CARNS1: variants seen among roughly 807,000 people sequenced by gnomAD.
CARNS1 encodes carnosine synthase 1, also known as ATP-grasp domain containing 1.
A neutral mutation model predicts 74.0 loss-of-function variants in CARNS1; 61 were observed. The observed-to-expected ratio is 0.82, with a 90% confidence interval of 0.67 to 1.02. CARNS1 has a LOEUF of 1.02. Ranked by LOEUF, CARNS1 falls within the 50% of genes least tolerant of loss-of-function variation. The pLI, the probability that CARNS1 is intolerant of heterozygous loss-of-function variation, is 0.00. For synonymous variants in CARNS1, 568 were observed against 605.5 expected (o/e 0.94, Z 0.91); for missense variants, 1,278 against 1,308.4 (o/e 0.98, Z 0.36).
At position 67,420,591 on chromosome 11, in the gene CARNS1, G is replaced by T; in HGVS notation, c.1114-18G>T. ...GCAGGGAGTGTGTGGGCCTCCCCCT[G>T]AGTCTCCCCCTGCCCAGGTGGTGTG... On this transcript the variant is annotated intron_variant, in intron 7 of 9. Transcript: ENST00000687366. 1 of 1,231,922 alleles carries T rather than the reference G, an allele frequency of 8.1e-7. No homozygotes were observed. Among genetic ancestry groups the T allele is most frequent in the South Asian group, 4.0e-5 (1 of 25,142 alleles). 76.3% of individuals were successfully genotyped at this position (1,231,922 alleles called of 1,614,324 possible).
In CARNS1 at chr11:67,419,547, C is replaced by A. The variant is rs375626867; in HGVS notation, c.913C>A (p.Arg305=). ...GCGGCAGGCATGGCGTCTGCACCCG[C>A]GGGCAGAGCTGGGTGCAGTGGTGGA... ...RGRQAWRLHP[R]AELGAVVDTV... Residue 305 remains arginine (R), a synonymous_variant, in exon 6 of 10, where the codon CGG becomes AGG. Transcript: ENST00000687366. The A allele has an allele frequency of 1.2e-6, 2 of 1,607,836 alleles. No homozygotes were observed. Among genetic ancestry groups the A allele is most frequent in the East Asian group, 2.2e-5 (1 of 44,778 alleles).
rs1290972340 is a variant in CARNS1 at position 67,425,363 on chromosome 11, C to T, written c.*762C>T. On this transcript the variant is annotated 3_prime_UTR_variant, in exon 10 of 10. Transcript: ENST00000687366. ...TCAGCTTCTAGGCCCCCCTCACCTCCCTGCCCTCATTCACAAGTGGCCCTG... is the reference window on the plus strand; with the variant it reads ...TCAGCTTCTAGGCCCCCCTCACCTCTCTGCCCTCATTCACAAGTGGCCCTG... The T allele has an allele frequency of 6.6e-6, 2 of 304,598 alleles. No homozygotes were observed. The highest frequency in any genetic ancestry group is 4.3e-5 in the African/African-American group (2 of 46,218). 18.9% of individuals were successfully genotyped at this position (304,598 alleles called of 1,614,324 possible).
In CARNS1 at chr11:67,418,978, T is replaced by C. The variant is rs750508536; in HGVS notation, c.587T>C (p.Leu196Pro). ...GAGGCAGCAGAACTCGCCCGTGACC[T>C]GACCTGCCCCACAGGAGCTTCGGCT... Reference protein sequence around the residue: ...GREAAELARDLTCPTGASAEL... With the variant: ...GREAAELARDPTCPTGASAEL... The change falls in exon 5 of 10, where the codon CTG (leucine) becomes CCG (proline). Residue 196 changes from leucine to proline, a missense_variant. Physicochemically the swap from Leu to Pro is moderately conservative, Grantham distance 98. Around this residue, in one of 3 missense-constraint regions of CARNS1, gnomAD observed 1,164 missense variants for 1,156.5 expected, o/e 1.01. Coordinates refer to ENST00000687366, the MANE Select transcript of CARNS1 (RefSeq NM_001166222.2). 1 of 1,566,240 alleles carries C rather than the reference T, an allele frequency of 6.4e-7. No homozygotes were observed. The highest frequency in any genetic ancestry group is 8.6e-7 in the Non-Finnish European group (1 of 1,156,150).
In CARNS1 at chr11:67,421,138, G is replaced by A. The variant is rs1863687242; in HGVS notation, c.1545G>A (p.Glu515=). ...GGCGGTCGGCGCGCTGCCTCATGGA[G>A]GGAAAACAGCTGCTGGTGGTCGGCG... The part of the protein sequence containing the change: ...MLRRSARCLM[E]GKQLLVVGAG... The change falls in exon 9 of 10, where the codon GAG becomes GAA. Residue 515 remains glutamate (E), a synonymous_variant. Transcript: ENST00000687366. 1.3e-6 allele frequency: 2 copies of A among 1,488,464 alleles called. No individual in the cohort carries two copies. Among genetic ancestry groups the A allele is most frequent in the South Asian group, 2.5e-5 (2 of 79,318 alleles). The allele number at this position is 1,488,464 out of a possible 1,614,324, so 92.2% of individuals were successfully genotyped here. A position where few individuals can be genotyped will look rare whatever the true frequency, so the allele number is the denominator to read the frequency against.
chr11:67,418,428 G>A lies in CARNS1; in HGVS notation c.275-3G>A, dbSNP rs1352853238. On this transcript the variant is annotated splice_polypyrimidine_tract_variant and splice_region_variant and intron_variant, in intron 3 of 9. Coordinates refer to ENST00000687366, the MANE Select transcript of CARNS1 (RefSeq NM_001166222.2). Reference sequence around the variant, plus strand: ...TGAGCTGGGCCATGTTCTCTTTCCCGAGGCTGTCCTGGGGCGGAGGTGACC... The same window carrying A: ...TGAGCTGGGCCATGTTCTCTTTCCCAAGGCTGTCCTGGGGCGGAGGTGACC... 2.1e-6 allele frequency: 3 copies of A among 1,445,186 alleles called. No individual in the cohort carries two copies. The highest frequency in any genetic ancestry group is 2.9e-5 in the Admixed American group (1 of 34,894). The allele number at this position is 1,445,186 out of a possible 1,614,324, so 89.5% of individuals were successfully genotyped here. A position where few individuals can be genotyped will look rare whatever the true frequency, so the allele number is the denominator to read the frequency against.
chr11:67,416,117 G>A (rs529696284), intron 1 of CARNS1, 59 bp from the exon 2 acceptor site: 7 of 1,064,820 alleles, frequency 6.6e-6, no homozygotes, highest in Non-Finnish European at 9.8e-6. Flanking sequence ...TGGAAGGCCA[G>A]GCAGGGACTT....
At position 67,417,516 on chromosome 11, in the gene CARNS1, TC is replaced by T. The variant is rs1863575378; in HGVS notation, c.116del (p.Pro39LeufsTer60). 7.0e-7 allele frequency: 1 copy of T among 1,428,938 alleles called. No homozygotes were observed. 88.5% of individuals were successfully genotyped at this position (1,428,938 alleles called of 1,614,324 possible). ...TCTGGCCTGCCGCCCACAGGCTGCTTCCCTGGCTCCTGGCGCCAGGACGTGG... is the reference window on the plus strand; with the variant it reads ...TCTGGCCTGCCGCCCACAGGCTGCTTCCTGGCTCCTGGCGCCAGGACGTGG... The part of the protein sequence containing the change: ...GGSGLPPTGC[F>X]PGSWRQDVGL... On this transcript the variant is annotated frameshift_variant, in exon 3 of 10. Transcript: ENST00000687366. LOFTEE classifies it high-confidence loss of function.
chr11:67,422,496 T>A (rs549992510), intron 9 of CARNS1, among the ~76,000 whole-genome samples: 75 of 152,238 alleles, frequency 4.9e-4, no homozygotes, highest in Admixed American at 2.7e-3. Context: ...TGGCTAATTT[T>A]AAAAATTTTT....
rs1306510868 is a variant in CARNS1 at position 67,423,151 on chromosome 11, C to T, written c.1627-224C>T. On this transcript the variant is annotated intron_variant, in intron 9 of 9. Transcript: ENST00000687366. The surrounding 1 kb of genome is among the most constrained non-coding windows in gnomAD (Gnocchi z 5.1). The stretch of plus-strand genomic sequence containing the variant: ...CTGACTCATATTCTTCAGCTCCCAG[C>T]TTAGGCATTGCCTCCTCTAGGATGC... Among the ~76,000 whole-genome samples the T allele has an allele frequency of 6.6e-6, 1 of 152,218 alleles. No individual in the cohort carries two copies. Among genetic ancestry groups the T allele is most frequent in the Non-Finnish European group, 1.5e-5 (1 of 68,028 alleles).
Position 67,421,015 on chromosome 11 carries a change from G to T in CARNS1, c.1422G>T (p.Leu474=). 1 of 1,382,692 alleles carries T rather than the reference G, an allele frequency of 7.2e-7. No homozygotes were observed. The highest frequency in any genetic ancestry group is 1.6e-5 in the South Asian group (1 of 62,668). 85.7% of individuals were successfully genotyped at this position (1,382,692 alleles called of 1,614,324 possible). ...TGGAGCTGAACGGCGGCCTGTGTCT[G>T]GAGGCGTGCGGCGCGCTGGAGGGGC... ...VALELNGGLC[L]EACGALEGLW... The change falls in exon 9 of 10, where the codon CTG becomes CTT. Residue 474 remains leucine (L), a synonymous_variant. Coordinates refer to ENST00000687366, the MANE Select transcript of CARNS1 (RefSeq NM_001166222.2).
At chr11:67,416,321 A>G in intron 2 of CARNS1, 119 bp downstream of exon 2, 4 of 1,510,392 alleles carry the variant, frequency 2.6e-6, no homozygotes, top group Non-Finnish European at 3.5e-6. Flanking sequence ...CAGACAGCTT[A>G]GACCCACGAC....
intron 9 of CARNS1, 111 bp downstream of exon 9, chr11:67,421,330 G>A: frequency 1.7e-6 from 2 of 1,193,926 alleles, no homozygotes; most frequent in Non-Finnish European, 2.2e-6. Context: ...GGGACCAGCC[G>A]CGCTAGAGGC....
rs1476323197 is a variant in CARNS1, at chr11:67,421,551, A to C, written c.1626+332A>C. Among the ~76,000 whole-genome samples, 3 of 152,202 alleles carry C rather than the reference A, an allele frequency of 2.0e-5. No individual in the cohort carries two copies. The East Asian group carries it at 5.8e-4, about 30-fold the overall frequency. ...CGCCAGAGTGGGGGCCTTGAATGCC[A>C]GGCTAAGGAGCCTGGCTCTGTCTTG... On this transcript the variant is annotated intron_variant, in intron 9 of 9. Transcript: ENST00000687366.
Position 67,423,103 on chromosome 11 carries a change from CT to C in CARNS1, c.1627-268del, listed in dbSNP as rs1863746879. On this transcript the variant is annotated intron_variant, in intron 9 of 9. Coordinates refer to ENST00000687366, the MANE Select transcript of CARNS1 (RefSeq NM_001166222.2). This position sits in a 1 kb window ranked among gnomAD's most constrained non-coding sequence, Gnocchi z 5.1. ...GCAGCCCCTCCCACCCAGAACATGC[CT>C]TTTCCTCCTGCAGCCACCTGGCTGA... is the stretch of plus-strand genomic sequence containing the variant. 6.6e-6 allele frequency among the ~76,000 whole-genome samples: 1 copy of C among 152,228 alleles called. No homozygotes were observed. Among genetic ancestry groups the C allele is most frequent in the African/African-American group, 2.4e-5 (1 of 41,450 alleles).
chr11:67,422,803 T>C (rs1863740932), intron 9 of CARNS1, among the ~76,000 whole-genome samples: 1 of 152,250 alleles, frequency 6.6e-6, no homozygotes. Flanking sequence ...GTCACTCCAC[T>C]GCCGAGGCTG....
In CARNS1 at chr11:67,417,529, G is replaced by A; in HGVS notation, c.126G>A (p.Trp42Ter). ...LPPTGCFPGSWRQDVGLDCKG... is the reference protein window; with the variant it reads ...LPPTGCFPGS ...CCACAGGCTGCTTCCCTGGCTCCTG[G>A]CGCCAGGACGTGGGCCTGGACTGCA... The change falls in exon 3 of 10, where the codon TGG (tryptophan) becomes TGA (stop). Residue 42 changes from tryptophan (W) to a stop codon, truncating the protein, a stop_gained. Transcript: ENST00000687366. LOFTEE classifies it high-confidence loss of function. The A allele has an allele frequency of 7.0e-7, 1 of 1,422,984 alleles. No individual in the cohort carries two copies. The highest frequency in any genetic ancestry group is 9.2e-7 in the Non-Finnish European group (1 of 1,091,346). The allele number at this position is 1,422,984 out of a possible 1,614,324, so 88.1% of individuals were successfully genotyped here.
intron 2 of CARNS1, 48 bp downstream of exon 2, chr11:67,416,250 G>A (rs751360874): frequency 2.5e-5 from 39 of 1,536,770 alleles, no homozygotes; most frequent in Non-Finnish European, 8.7e-6. Context: ...TCCCTGGGCA[G>A]AGAGTGGGCC....
In CARNS1 at chr11:67,421,125, G is replaced by T; in HGVS notation, c.1532G>T (p.Arg511Leu). Residue 511 changes from arginine (R) to leucine (L), a missense_variant, in exon 9 of 10, where the codon CGC becomes CTC. By Grantham distance (102) the Arg-to-Leu change is moderately radical. This residue lies in a region of CARNS1 where 1,164 missense variants were observed against 1,156.5 expected (regional missense o/e 1.01). Coordinates refer to ENST00000687366, the MANE Select transcript of CARNS1 (RefSeq NM_001166222.2). ...LVETMLRRSARCLMEGKQLLV... is the reference protein window; with the variant it reads ...LVETMLRRSALCLMEGKQLLV... ...GAGACCATGCTTCGGCGGTCGGCGC[G>T]CTGCCTCATGGAGGGAAAACAGCTG... is the stretch of plus-strand genomic sequence containing the variant. 6.8e-7 allele frequency: 1 copy of T among 1,469,060 alleles called. No homozygotes were observed. The allele number at this position is 1,469,060 out of a possible 1,614,324, so 91.0% of individuals were successfully genotyped here. A position where few individuals can be genotyped will look rare whatever the true frequency, so the allele number is the denominator to read the frequency against.
chr11:67,423,826 A>G lies in CARNS1; in HGVS notation c.2078A>G (p.Gln693Arg). 1.2e-6 allele frequency: 2 copies of G among 1,610,602 alleles called. No homozygotes were observed. Among genetic ancestry groups the G allele is most frequent in the Non-Finnish European group, 1.7e-6 (2 of 1,179,806 alleles). Residue 693 changes from glutamine to arginine, a missense_variant, in exon 10 of 10, where the codon CAG becomes CGG. Transcript: ENST00000687366. The surrounding 1 kb of genome is among the most constrained non-coding windows in gnomAD (Gnocchi z 5.1). ...VGVRLVEDAP[Q>R]CHEHFSRITR... Reference sequence around the variant, plus strand: ...GTCCGGCTGGTAGAGGATGCGCCACAGTGCCATGAGCACTTTTCCCGGATT... The same window carrying G: ...GTCCGGCTGGTAGAGGATGCGCCACGGTGCCATGAGCACTTTTCCCGGATT...
Sources: gnomAD v4.1 joint callset for allele counts (sites outside exome capture counted in the v4.1 genomes callset) on GRCh38, gnomAD v4.1.1 for gene constraint, gnomAD v4.1.1 regional missense constraint, Gnocchi (gnomAD v3.1) non-coding constraint, MANE v1.5 for transcripts, NCBI Gene and HGNC (gene_info 2026-07-23, HGNC 2026-07-21) for gene names.